ANKH: variants seen among roughly 807,000 people sequenced by gnomAD.
ANKH encodes the protein ANKH inorganic pyrophosphate transport regulator, also known as mineralization regulator ANKH.
In ANKH, 15 loss-of-function variants were observed where a neutral mutation model predicts 49.0. That is an observed-to-expected ratio of 0.31 (90% confidence interval 0.20 to 0.47). The LOEUF (loss-of-function observed/expected upper bound fraction) is 0.47. Among genes scored for constraint, ANKH ranks in the 20% least tolerant of loss-of-function variants. ANKH has a pLI of 1.00. For synonymous variants in ANKH, 273 were observed against 260.0 expected (o/e 1.05, Z -0.48); for missense variants, 429 against 652.0 (o/e 0.66, Z 3.72).
In ANKH at chr5:14,713,074, T is replaced by C; in HGVS notation, c.1266-101A>G. 8.6e-7 allele frequency: 1 copy of C among 1,165,346 alleles called. No homozygotes were observed. Among genetic ancestry groups the C allele is most frequent in the South Asian group, 1.3e-5 (1 of 76,204 alleles). 72.2% of individuals were successfully genotyped at this position (1,165,346 alleles called of 1,614,324 possible). On this transcript the variant is annotated intron_variant, in intron 10 of 11. Transcript: ENST00000284268. The surrounding 1 kb of genome is among the most constrained non-coding windows in gnomAD (Gnocchi z 4.4). ...AAAGTAAGTGTAGCCTCGAGACGGC[T>C]GAGACCAGCGGCGTTCTCCATCTGC...
Position 14,725,585 on chromosome 5 carries a change from G to A in ANKH, c.1012-8750C>T, listed in dbSNP as rs1288006383. 2.6e-5 allele frequency among the ~76,000 whole-genome samples: 4 copies of A among 152,194 alleles called. No homozygotes were observed. The highest frequency in any genetic ancestry group is 2.1e-4 in the South Asian group (1 of 4,828). ...CACCGGCACACCAAATGTGATCCACGGATGTCACCTGTGAGTATTCCAGAA... is the reference window on the plus strand; with the variant it reads ...CACCGGCACACCAAATGTGATCCACAGATGTCACCTGTGAGTATTCCAGAA... On this transcript the variant is annotated intron_variant, in intron 8 of 11. Coordinates refer to ENST00000284268, the MANE Select transcript of ANKH (RefSeq NM_054027.6). The surrounding 1 kb of genome is among the most constrained non-coding windows in gnomAD (Gnocchi z 4.0).
intron 8 of ANKH, among the ~76,000 whole-genome samples, chr5:14,734,442 A>G (rs137991787): frequency 0.012 from 1,902 of 152,334 alleles, 36 homozygotes; most frequent in African/African-American, 0.043. Flanking sequence ...CTATAGAAGT[A>G]CATTGCCTTG....
intron 1 of ANKH, among the ~76,000 whole-genome samples, chr5:14,824,918 CT>C (rs577398029): frequency 5.6e-4 from 86 of 152,282 alleles, no homozygotes; most frequent in African/African-American, 1.8e-3. Flanking sequence ...AATATTCTAA[CT>C]TTGCACAGTG....
intron 1 of ANKH, among the ~76,000 whole-genome samples, chr5:14,831,858 T>C (rs1248393381): frequency 6.6e-6 from 1 of 152,170 alleles, no homozygotes. Flanking sequence ...TTCCCATATA[T>C]GAATCTTTTT....
chr5:14,852,340 T>C (rs1413005642), intron 1 of ANKH, among the ~76,000 whole-genome samples: 25 of 152,084 alleles, frequency 1.6e-4, no homozygotes. Context: ...GGAAACATGA[T>C]ATGGAAGCAG....
At chr5:14,866,874 T>C (rs1298492872) in intron 1 of ANKH, among the ~76,000 whole-genome samples, 1 of 152,180 alleles carries the variant, frequency 6.6e-6, no homozygotes, top group Non-Finnish European at 1.5e-5. Flanking sequence ...GTTGAGTTTT[T>C]AAAATTCAAT....
chr5:14,757,430 ATTTTTT>A (rs1243593041), intron 3 of ANKH, among the ~76,000 whole-genome samples: 17 of 113,798 alleles, frequency 1.5e-4, no homozygotes, highest in South Asian at 3.0e-4. Context: ...ATATATATAT[ATTTTTT>A]TTTTTTTTTT....
chr5:14,789,237 A>G (rs764329337), intron 1 of ANKH, among the ~76,000 whole-genome samples: 7 of 152,128 alleles, frequency 4.6e-5, no homozygotes, highest in Non-Finnish European at 8.8e-5. Flanking sequence ...TCCAAAAACA[A>G]CAACAACAAC....
rs1404328931 is a variant in ANKH at position 14,709,790 on chromosome 5, ATGTT to A, written c.*1403_*1406del. ...GATACAATACGTTTCAACTGCAGGTATGTTGAGCACACAAGCAATCACCGTATTG... is the reference window on the plus strand; with the variant it reads ...GATACAATACGTTTCAACTGCAGGTAGAGCACACAAGCAATCACCGTATTG... On this transcript the variant is annotated 3_prime_UTR_variant, in exon 12 of 12. Transcript: ENST00000284268. 1.3e-5 allele frequency: 2 copies of A among 152,666 alleles called. No individual in the cohort carries two copies. The highest frequency in any genetic ancestry group is 3.8e-4 in the East Asian group (2 of 5,200). The allele number at this position is 152,666 out of a possible 1,614,324, so 9.5% of individuals were successfully genotyped here.
intron 1 of ANKH, among the ~76,000 whole-genome samples, chr5:14,787,867 C>T (rs1740030278): frequency 6.6e-6 from 1 of 152,184 alleles, no homozygotes; most frequent in African/African-American, 2.4e-5. Flanking sequence ...GGTCAAAAGA[C>T]AGCCATGACG....
intron 1 of ANKH, among the ~76,000 whole-genome samples, chr5:14,858,948 T>C (rs937205373): frequency 6.6e-6 from 1 of 151,872 alleles, no homozygotes. Context: ...CTTTTTTTTT[T>C]AAAAGGGAGA....
intron 1 of ANKH, among the ~76,000 whole-genome samples, chr5:14,840,320 C>A (rs182749787): frequency 6.6e-6 from 1 of 152,302 alleles, no homozygotes; most frequent in Admixed American, 6.5e-5. Flanking sequence ...AGAAGGAAAG[C>A]TATAGTATTC....
chr5:14,706,793 A>G lies in ANKH; in HGVS notation c.*4404T>C, dbSNP rs1344033291. On this transcript the variant is annotated 3_prime_UTR_variant, in exon 12 of 12. Coordinates refer to ENST00000284268, the MANE Select transcript of ANKH (RefSeq NM_054027.6). The stretch of plus-strand genomic sequence containing the variant: ...AATGACAGAAATAGAGATTCAAAAT[A>G]ACCACACAGAGGAGTATCCCAGACA... 1 of 152,234 alleles carries G rather than the reference A, an allele frequency of 6.6e-6. No individual in the cohort carries two copies. Among genetic ancestry groups the G allele is most frequent in the Non-Finnish European group, 1.5e-5 (1 of 68,054 alleles). 9.4% of individuals were successfully genotyped at this position (152,234 alleles called of 1,614,324 possible).
At chr5:14,826,577 A>C (rs10043575) in intron 1 of ANKH, among the ~76,000 whole-genome samples, 2,298 of 152,316 alleles carry the variant, frequency 0.015, 46 homozygotes, top group African/African-American at 0.053. Context: ...ATTAAATAAG[A>C]TCAAATAAGT....
At chr5:14,845,972 T>A (rs1452967509) in intron 1 of ANKH, among the ~76,000 whole-genome samples, 1 of 150,632 alleles carries the variant, frequency 6.6e-6, no homozygotes, top group Non-Finnish European at 1.5e-5. Context: ...TCTCCTGCCT[T>A]AGCCTCCCAA....
intron 2 of ANKH, among the ~76,000 whole-genome samples, chr5:14,759,830 AAAGGGAAGGG>A (rs1268771646): frequency 4.5e-5 from 5 of 110,812 alleles, no homozygotes; most frequent in African/African-American, 7.2e-5. Context: ...AAAGGAAAGG[AAAGGGAAGGG>A]AAGGGAAGGA....
chr5:14,736,168 G>A (rs990558913), intron 8 of ANKH, among the ~76,000 whole-genome samples: 42 of 152,044 alleles, frequency 2.8e-4, no homozygotes, highest in Admixed American at 6.5e-5. Context: ...TCTGCCTCAA[G>A]TGACAGCAAC....
intron 7 of ANKH, among the ~76,000 whole-genome samples, chr5:14,743,325 C>T (rs1020138713): frequency 6.6e-6 from 1 of 152,172 alleles, no homozygotes; most frequent in Non-Finnish European, 1.5e-5. Context: ...GGAACCTCAG[C>T]AAAACACACA....
intron 2 of ANKH, 148 bp downstream of exon 2, chr5:14,768,827 G>A: frequency 2.3e-6 from 2 of 854,892 alleles, no homozygotes. Flanking sequence ...AGGAGCACAA[G>A]CGCTTTCCTT....
Sources: gnomAD v4.1 joint callset for allele counts (sites outside exome capture counted in the v4.1 genomes callset) on GRCh38, gnomAD v4.1.1 for gene constraint, Gnocchi (gnomAD v3.1) non-coding constraint, MANE v1.5 for transcripts, NCBI Gene and HGNC (gene_info 2026-07-23, HGNC 2026-07-21) for gene names.